Variants in COL15A1 observed in about 807,000 individuals in gnomAD.
The protein encoded by COL15A1 is collagen alpha-1(XV) chain.
A neutral mutation model predicts 165.9 loss-of-function variants in COL15A1; 111 were observed. The ratio of observed to expected loss-of-function variants is 0.67; its 90% CI spans 0.57 to 0.78. COL15A1 has a LOEUF of 0.78. Ranked by LOEUF, COL15A1 falls within the 30% of genes least tolerant of loss-of-function variation. COL15A1 has a pLI of 0.00. For missense variants in COL15A1, 1,745 were observed against 1,789.7 expected (o/e 0.98, Z 0.45); for synonymous variants, 659 against 674.8 (o/e 0.98, Z 0.36).
chr9:98,989,081 G>C (rs1166790934), intron 4 of COL15A1, 97 bp from the exon 5 acceptor site: 2 of 815,042 alleles, frequency 2.5e-6, no homozygotes, highest in East Asian at 5.2e-5. Context: ...CCCTGTAGGA[G>C]AGTCGGTTTG....
intron 28 of COL15A1, among the ~76,000 whole-genome samples, chr9:99,048,698 C>G (rs1051723858): frequency 1.4e-4 from 17 of 121,382 alleles, no homozygotes; most frequent in Non-Finnish European, 2.3e-4. Flanking sequence ...CCCCCTCCCC[C>G]CACCCCACAA....
rs375667802 is a variant in COL15A1, at chr9:99,044,824, A to G, written c.2679+54A>G. On this transcript the variant is annotated intron_variant, in intron 26 of 41. Transcript: ENST00000375001. ...TGGGCTGGGGTTTGAAGCATTTTTC[A>G]TACTTTGATTTGGTTAGATTTAGTT... is the stretch of plus-strand genomic sequence containing the variant. 946 of 1,526,034 alleles carry G rather than the reference A, an allele frequency of 6.2e-4. 3 individuals carry two copies. The highest frequency in any genetic ancestry group is 8.0e-4 in the Non-Finnish European group (880 of 1,101,594). 94.5% of individuals were successfully genotyped at this position (1,526,034 alleles called of 1,614,324 possible).
At chr9:98,993,909 G>A (rs1227310418) in intron 5 of COL15A1, among the ~76,000 whole-genome samples, 4 of 152,096 alleles carry the variant, frequency 2.6e-5, no homozygotes, top group East Asian at 1.9e-4. Context: ...GACATGAGCC[G>A]TCGCCAGTGA....
In COL15A1 at chr9:99,068,547, C is replaced by T; in HGVS notation, c.3838-8C>T. On this transcript the variant is annotated splice_region_variant and splice_polypyrimidine_tract_variant and intron_variant, in intron 40 of 41. Coordinates refer to ENST00000375001, the MANE Select transcript of COL15A1 (RefSeq NM_001855.5). ...TAATGATTCTAATGTGGTATTTTGT[C>T]TCTATAGGGCCAAGTACTTTTTAAT... 2 of 1,328,990 alleles carry T rather than the reference C, an allele frequency of 1.5e-6. No homozygotes were observed. The highest frequency in any genetic ancestry group is 1.6e-5 in the South Asian group (1 of 60,630). 82.3% of individuals were successfully genotyped at this position (1,328,990 alleles called of 1,614,324 possible). A position where few individuals can be genotyped will look rare whatever the true frequency, so the allele number is the denominator to read the frequency against.
Position 99,001,967 on chromosome 9 carries a change from G to A in COL15A1, c.1065+1016G>A, listed in dbSNP as rs185932603. Among the ~76,000 whole-genome samples, 293 of 152,220 alleles carry A rather than the reference G, an allele frequency of 1.9e-3. 3 individuals carry two copies. The highest frequency in any genetic ancestry group is 3.1e-3 in the Non-Finnish European group (211 of 68,014). On this transcript the variant is annotated intron_variant, in intron 7 of 41. Coordinates refer to ENST00000375001, the MANE Select transcript of COL15A1 (RefSeq NM_001855.5). ...CATACAGGTTGCCCAGATCTTCTGC[G>A]TGGCTCTTTGAGTACAGCCCATTTC... is the stretch of plus-strand genomic sequence containing the variant.
At chr9:98,977,870 C>T (rs1478872140) in intron 2 of COL15A1, among the ~76,000 whole-genome samples, 1 of 152,234 alleles carries the variant, frequency 6.6e-6, no homozygotes, top group Non-Finnish European at 1.5e-5. Context: ...AAGTCATCGC[C>T]CAAAGGCTTT....
chr9:99,059,914 C>T lies in COL15A1; in HGVS notation c.3363C>T (p.Gly1121=). The T allele has an allele frequency of 6.2e-7, 1 of 1,613,964 alleles. No homozygotes were observed. The highest frequency in any genetic ancestry group is 8.5e-7 in the Non-Finnish European group (1 of 1,179,924). ...GAAVALPGPP[G]PPGQPGLPGS... is the part of the protein sequence containing the mutation. ...CTGTGGCCCTTCCAGGTCCCCCTGG[C>T]CCTCCAGGACAGCCAGGGCTTCCCG... Residue 1121 remains glycine, a synonymous_variant, in exon 36 of 42, where the codon GGC becomes GGT. Coordinates refer to ENST00000375001, the MANE Select transcript of COL15A1 (RefSeq NM_001855.5).
At chr9:98,964,566 C>T (rs543994824) in intron 2 of COL15A1, among the ~76,000 whole-genome samples, 2 of 152,292 alleles carry the variant, frequency 1.3e-5, no homozygotes, top group East Asian at 3.9e-4. Flanking sequence ...TATTTCTTTT[C>T]CCCTACTCAG....
At chr9:98,972,480 G>T (rs547617433) in intron 2 of COL15A1, among the ~76,000 whole-genome samples, 114 of 152,298 alleles carry the variant, frequency 7.5e-4, no homozygotes, top group African/African-American at 2.7e-3. Context: ...TCATGGATTT[G>T]GAACAGTAAT....
At chr9:99,037,675 G>A (rs757639728) in intron 21 of COL15A1, among the ~76,000 whole-genome samples, 2 of 152,212 alleles carry the variant, frequency 1.3e-5, no homozygotes, top group African/African-American at 2.4e-5. Context: ...TAACTGACAG[G>A]CAAATGAACA....
chr9:99,025,724 G>T (rs1839111761), intron 15 of COL15A1, among the ~76,000 whole-genome samples, 180 bp from the exon 16 acceptor site: 1 of 152,172 alleles, frequency 6.6e-6, no homozygotes, highest in Non-Finnish European at 1.5e-5. Context: ...TTAGCCACAG[G>T]TGCACAGTCA....
chr9:98,949,360 C>T (rs1367398383), intron 2 of COL15A1, among the ~76,000 whole-genome samples: 1 of 152,218 alleles, frequency 6.6e-6, no homozygotes, highest in East Asian at 1.9e-4. Flanking sequence ...GTACATTTCT[C>T]TCAGTGCACA....
intron 2 of COL15A1, among the ~76,000 whole-genome samples, chr9:98,955,715 C>T (rs1837765790): frequency 6.6e-6 from 1 of 152,358 alleles, no homozygotes; most frequent in Middle Eastern, 3.4e-3. Context: ...AGGAAAGTTA[C>T]AACCATTTCA....
At chr9:98,988,650 C>G (rs890838204) in intron 4 of COL15A1, among the ~76,000 whole-genome samples, 5 of 152,170 alleles carry the variant, frequency 3.3e-5, no homozygotes, top group Non-Finnish European at 7.4e-5. Context: ...AGGCTGGGCG[C>G]AGTAGCTCAC....
At chr9:98,992,610 C>T (rs1029957051) in intron 5 of COL15A1, among the ~76,000 whole-genome samples, 2 of 152,248 alleles carry the variant, frequency 1.3e-5, no homozygotes, top group African/African-American at 2.4e-5. Flanking sequence ...ACGCCAAGGC[C>T]GAGGAGGCAC....
In COL15A1 at chr9:99,013,708, C is replaced by G. The variant is rs139087814; in HGVS notation, c.1354-1709C>G. On this transcript the variant is annotated intron_variant, in intron 9 of 41. Transcript: ENST00000375001. ...CAAAAGCCAAAGAGGTCAGGTCTTACAATACAGGAGAGCAGAGCTTCAGAC... is the reference window on the plus strand; with the variant it reads ...CAAAAGCCAAAGAGGTCAGGTCTTAGAATACAGGAGAGCAGAGCTTCAGAC... 2.0e-5 allele frequency among the ~76,000 whole-genome samples: 3 copies of G among 152,252 alleles called. No homozygotes were observed. In the East Asian group the frequency reaches 5.8e-4, roughly 29 times the overall value.
At chr9:99,020,349 T>G (rs770745460) in intron 11 of COL15A1, 40 bp from the exon 12 acceptor site, 2 of 1,509,782 alleles carry the variant, frequency 1.3e-6, no homozygotes, top group Non-Finnish European at 1.8e-6. Flanking sequence ...ATGTCCCAAA[T>G]ATGTTGTGGC....
intron 2 of COL15A1, among the ~76,000 whole-genome samples, chr9:98,947,289 G>A (rs1474007625): frequency 6.6e-6 from 1 of 152,034 alleles, no homozygotes; most frequent in Non-Finnish European, 1.5e-5. Flanking sequence ...AGTAAAAGAA[G>A]CCAGACATTA....
intron 6 of COL15A1, among the ~76,000 whole-genome samples, chr9:98,997,692 G>A (rs940057854): frequency 2.6e-5 from 4 of 152,230 alleles, no homozygotes; most frequent in African/African-American, 9.6e-5. Context: ...AGAAGAGCTG[G>A]TCCCCTGGCT....
Sources: gnomAD v4.1 joint callset for allele counts (sites outside exome capture counted in the v4.1 genomes callset) on GRCh38, gnomAD v4.1.1 for gene constraint, MANE v1.5 for transcripts, NCBI Gene and HGNC (gene_info 2026-07-23, HGNC 2026-07-21) for gene names.